The following STXBP5L variants were observed in gnomAD, a reference collection of about 807,000 sequenced individuals.
STXBP5L encodes syntaxin-binding protein 5-like.
In STXBP5L, 65 loss-of-function variants were observed where a neutral mutation model predicts 144.5. That is an observed-to-expected ratio of 0.45 (90% confidence interval 0.37 to 0.55). STXBP5L has a LOEUF of 0.55. Among genes scored for constraint, STXBP5L ranks in the 20% least tolerant of loss-of-function variants. The probability of loss-of-function intolerance (pLI) is 0.00; values close to 1 mark genes in which losing one functional copy is unlikely to be tolerated. For missense variants in STXBP5L, 1,298 were observed against 1,405.5 expected (o/e 0.92, Z 1.22); for synonymous variants, 505 against 469.6 (o/e 1.08, Z -0.97).
At chr3:121,232,792 T>C (rs1435468182) in intron 11 of STXBP5L, among the ~76,000 whole-genome samples, 1 of 152,000 alleles carries the variant, frequency 6.6e-6, no homozygotes, top group Non-Finnish European at 1.5e-5. Flanking sequence ...AAGCTGGGGA[T>C]TGAGGAAGGT....
At chr3:120,995,111 A>C (rs1395715195) in intron 3 of STXBP5L, among the ~76,000 whole-genome samples, 1 of 152,064 alleles carries the variant, frequency 6.6e-6, no homozygotes, top group African/African-American at 2.4e-5. Context: ...TTAAGTCTGC[A>C]AATTAAAAAA....
chr3:121,093,930 C>T (rs2042968769), intron 5 of STXBP5L, among the ~76,000 whole-genome samples: 3 of 152,128 alleles, frequency 2.0e-5, no homozygotes, highest in South Asian at 4.1e-4. Context: ...TTTCCCTCTA[C>T]ACACTGCTTT....
At chr3:121,223,700 T>C (rs910058794) in intron 11 of STXBP5L, among the ~76,000 whole-genome samples, 3 of 152,194 alleles carry the variant, frequency 2.0e-5, no homozygotes, top group African/African-American at 7.2e-5. Flanking sequence ...GAGAAATGCT[T>C]ATATATTTTT....
chr3:121,152,378 T>C (rs2045962810), intron 7 of STXBP5L, 99 bp from the exon 8 acceptor site: 2 of 844,792 alleles, frequency 2.4e-6, no homozygotes, highest in Admixed American at 2.9e-5. Flanking sequence ...AATAAGGATG[T>C]TATGTGGTAT....
At chr3:120,952,901 T>A (rs1484365301) in intron 2 of STXBP5L, among the ~76,000 whole-genome samples, 2 of 152,042 alleles carry the variant, frequency 1.3e-5, no homozygotes, top group African/African-American at 4.8e-5. Flanking sequence ...CAGGCTCAAG[T>A]GATCCTCCTA....
intron 23 of STXBP5L, among the ~76,000 whole-genome samples, chr3:121,409,948 A>G (rs74762164): frequency 0.12 from 18,565 of 151,166 alleles, 1,245 homozygotes; most frequent in South Asian, 0.23. Flanking sequence ...AGGTTTTGAG[A>G]GTGTTTTTTT....
At chr3:121,041,673 T>A in intron 3 of STXBP5L, 27 bp from the exon 4 acceptor site, 1 of 1,545,988 alleles carries the variant, frequency 6.5e-7, no homozygotes, top group South Asian at 1.1e-5. Context: ...ATTAAAATGT[T>A]AGAATCCTTG....
chr3:121,399,340 G>A (rs2046814068), intron 22 of STXBP5L, among the ~76,000 whole-genome samples: 1 of 152,132 alleles, frequency 6.6e-6, no homozygotes, highest in Non-Finnish European at 1.5e-5. Flanking sequence ...CTTCAACCTG[G>A]ATTCAAGCCC....
At chr3:121,275,432 T>C (rs1485660569) in intron 18 of STXBP5L, among the ~76,000 whole-genome samples, 1 of 152,184 alleles carries the variant, frequency 6.6e-6, no homozygotes, top group African/African-American at 2.4e-5. Flanking sequence ...ATAATTATAA[T>C]TTTTAATGTA....
Position 121,096,384 on chromosome 3 carries a change from GT to G in STXBP5L, c.471-18537del, listed in dbSNP as rs539924428. The stretch of plus-strand genomic sequence containing the variant: ...GTTAATCAAACTCATTCTCCATCTA[GT>G]TTTATTCTGTTGCTGGCGAGACACT... On this transcript the variant is annotated intron_variant, in intron 5 of 26. Transcript: ENST00000471454. 2.6e-5 allele frequency among the ~76,000 whole-genome samples: 4 copies of G among 152,306 alleles called. No homozygotes were observed. In the South Asian group the frequency reaches 8.3e-4, roughly 32 times the overall value.
At chr3:121,325,408 G>A (rs1214345547) in intron 20 of STXBP5L, among the ~76,000 whole-genome samples, 1 of 151,996 alleles carries the variant, frequency 6.6e-6, no homozygotes, top group Non-Finnish European at 1.5e-5. Flanking sequence ...GTGAGTAGAG[G>A]TGGAATTCCA....
intron 3 of STXBP5L, among the ~76,000 whole-genome samples, chr3:121,003,857 G>A (rs1469544153): frequency 1.3e-5 from 2 of 152,124 alleles, no homozygotes; most frequent in Admixed American, 6.6e-5. Flanking sequence ...AAGATCAGAT[G>A]GTTGAAGATA....
At position 121,340,635 on chromosome 3, in the gene STXBP5L, T is replaced by G. The variant is rs191748507; in HGVS notation, c.2176+22095T>G. On this transcript the variant is annotated intron_variant, in intron 20 of 26. Transcript: ENST00000471454. ...CTTAGAATGATGGTTTTCAACTTCA[T>G]CCATGTTCCTGCAAAGGACATGAAC... Among the ~76,000 whole-genome samples, 7 of 152,244 alleles carry G rather than the reference T, an allele frequency of 4.6e-5. No homozygotes were observed. In the East Asian group the frequency reaches 1.4e-3, roughly 29 times the overall value.
At chr3:121,349,418 G>A (rs565992910) in intron 20 of STXBP5L, among the ~76,000 whole-genome samples, 14,503 of 150,830 alleles carry the variant, frequency 0.096, 1,113 homozygotes, top group Admixed American at 0.2. Flanking sequence ...GTGGTGCTGA[G>A]AAGAATGTAT....
chr3:121,417,461 T>TTAAAAA (rs978558730), intron 25 of STXBP5L, among the ~76,000 whole-genome samples: 3 of 152,102 alleles, frequency 2.0e-5, no homozygotes, highest in South Asian at 2.1e-4. Flanking sequence ...TTTTTTTTCC[T>TTAAAAA]TAAAAATAAA....
intron 5 of STXBP5L, among the ~76,000 whole-genome samples, chr3:121,062,263 TGGATA>T (rs1389536695): frequency 6.6e-6 from 1 of 152,226 alleles, no homozygotes; most frequent in Non-Finnish European, 1.5e-5. Context: ...TTAGTTTGGC[TGGATA>T]TGAAATTATG....
chr3:121,167,846 C>T (rs1297996366), intron 9 of STXBP5L, among the ~76,000 whole-genome samples: 1 of 152,172 alleles, frequency 6.6e-6, no homozygotes, highest in Non-Finnish European at 1.5e-5. Flanking sequence ...GGTCAGATTG[C>T]CTCCTCAAGT....
At chr3:121,266,802 C>T (rs897491751) in intron 18 of STXBP5L, among the ~76,000 whole-genome samples, 14 of 152,042 alleles carry the variant, frequency 9.2e-5, no homozygotes, top group Admixed American at 8.5e-4. Flanking sequence ...AATCAGTGTG[C>T]AAAAATCACT....
chr3:121,214,216 A>G (rs149943012), intron 10 of STXBP5L, among the ~76,000 whole-genome samples: 79 of 151,908 alleles, frequency 5.2e-4, no homozygotes, highest in African/African-American at 1.8e-3. Context: ...CTTCAGTTGC[A>G]CTGTGATCTT....
Sources: gnomAD v4.1 joint callset for allele counts (sites outside exome capture counted in the v4.1 genomes callset) on GRCh38, gnomAD v4.1.1 for gene constraint, MANE v1.5 for transcripts, NCBI Gene and HGNC (gene_info 2026-07-23, HGNC 2026-07-21) for gene names.